The following STIM1 variants were observed in gnomAD, a reference collection of about 807,000 sequenced individuals.
STIM1 encodes the protein stromal interaction molecule 1.
STIM1 carries 25 observed loss-of-function variants against 74.7 expected under a neutral mutation model. That is an observed-to-expected ratio of 0.33 (90% confidence interval 0.24 to 0.47). The LOEUF is 0.47. STIM1 is among the 20% of genes least tolerant of loss of function. The probability of loss-of-function intolerance (pLI) is 1.00; values close to 1 mark genes in which losing one functional copy is unlikely to be tolerated. For synonymous variants in STIM1, 328 were observed against 348.8 expected (o/e 0.94, Z 0.66); for missense variants, 728 against 920.8 (o/e 0.79, Z 2.71).
intron 1 of STIM1, among the ~76,000 whole-genome samples, chr11:3,874,587 C>G (rs2091249203): frequency 6.6e-6 from 1 of 152,240 alleles, no homozygotes; most frequent in South Asian, 2.1e-4. Context: ...GTCCTCTTAT[C>G]CTTTTAAGCC....
intron 7 of STIM1, among the ~76,000 whole-genome samples, chr11:4,079,823 G>A (rs757542177): frequency 9.2e-5 from 14 of 152,240 alleles, no homozygotes; most frequent in African/African-American, 3.1e-4. Context: ...AACTTTGGCT[G>A]CATATTAGAA....
At chr11:3,893,206 A>G (rs1026965949) in intron 1 of STIM1, among the ~76,000 whole-genome samples, 3 of 152,228 alleles carry the variant, frequency 2.0e-5, no homozygotes, top group Non-Finnish European at 2.9e-5. Flanking sequence ...GGATGTTTGT[A>G]TGAATCCCCT....
chr11:4,086,303 T>G, intron 11 of STIM1, 174 bp from the exon 12 acceptor site: 2 of 681,420 alleles, frequency 2.9e-6, no homozygotes, highest in Non-Finnish European at 4.9e-6. Context: ...ATCTTCAATT[T>G]CCCATCCTTT....
chr11:3,981,357 G>T (rs1316794772), intron 2 of STIM1, among the ~76,000 whole-genome samples: 1 of 152,160 alleles, frequency 6.6e-6, no homozygotes. Flanking sequence ...ATCCTTAACT[G>T]TCCTACCAGA....
chr11:4,091,734 C>T lies in STIM1; in HGVS notation c.2087C>T (p.Thr696Ile). 1.2e-6 allele frequency: 2 copies of T among 1,613,606 alleles called. No individual in the cohort carries two copies. The highest frequency in any genetic ancestry group is 1.7e-6 in the Non-Finnish European group (2 of 1,180,046). ...GATAATGGCTCTATTGGCGAGGAAA[C>T]AGACTCCAGCCCAGGCCGGAAGAAG... ...EEDNGSIGEETDSSPGRKKFP... is the reference protein window; with the variant it reads ...EEDNGSIGEEIDSSPGRKKFP... Residue 696 changes from threonine to isoleucine, a missense_variant, in exon 13 of 13, where the codon ACA (threonine) becomes ATA (isoleucine). Thr to Ile is a moderately conservative substitution (Grantham distance 89). Coordinates refer to ENST00000526596, the MANE Select transcript of STIM1 (RefSeq NM_001382567.1).
At chr11:3,901,362 CA>C (rs1173547696) in intron 1 of STIM1, among the ~76,000 whole-genome samples, 2 of 152,034 alleles carry the variant, frequency 1.3e-5, no homozygotes, top group Non-Finnish European at 2.9e-5. Flanking sequence ...TTTTTATCCT[CA>C]AAAACCACCT....
chr11:3,887,631 C>T lies in STIM1; in HGVS notation c.139+31222C>T, dbSNP rs1325884213. Reference sequence around the variant, plus strand: ...ACAGAATGCTACTTTTGGGGTATGGCTGCTTTAGGGCCTTTCATTTCGTTT... The same window carrying T: ...ACAGAATGCTACTTTTGGGGTATGGTTGCTTTAGGGCCTTTCATTTCGTTT... On this transcript the variant is annotated intron_variant, in intron 1 of 12. Transcript: ENST00000526596. Among the ~76,000 whole-genome samples, 4 of 152,142 alleles carry T rather than the reference C, an allele frequency of 2.6e-5. No homozygotes were observed. In the East Asian group the frequency reaches 7.7e-4, roughly 29 times the overall value.
chr11:3,908,637 G>C (rs1452350490), intron 1 of STIM1, among the ~76,000 whole-genome samples: 1 of 151,040 alleles, frequency 6.6e-6, no homozygotes. Flanking sequence ...TATTTGCCAA[G>C]ATTGCATGGC....
In STIM1 at chr11:3,959,889, A is replaced by G. The variant is rs1015608493; in HGVS notation, c.140-7663A>G. On this transcript the variant is annotated intron_variant, in intron 1 of 12. Transcript: ENST00000526596. Reference sequence around the variant, plus strand: ...AACAGTGGTAGGTAAAACTGCTGGCACCTTAACACAAATCAAACCAGTGGC... The same window carrying G: ...AACAGTGGTAGGTAAAACTGCTGGCGCCTTAACACAAATCAAACCAGTGGC... 4.9e-4 allele frequency among the ~76,000 whole-genome samples: 75 copies of G among 152,168 alleles called. 1 individual carries two copies. Among genetic ancestry groups the G allele is most frequent in the African/African-American group, 1.7e-3 (72 of 41,438 alleles).
intron 3 of STIM1, among the ~76,000 whole-genome samples, chr11:4,047,907 C>G (rs1161674945): frequency 6.6e-6 from 1 of 151,912 alleles, no homozygotes; most frequent in East Asian, 2.0e-4. Context: ...CAACCTCCGC[C>G]TCCCAGGTTC....
At chr11:3,917,106 C>G (rs1027496770) in intron 1 of STIM1, among the ~76,000 whole-genome samples, 1 of 152,102 alleles carries the variant, frequency 6.6e-6, no homozygotes. Flanking sequence ...AGTGACACAC[C>G]CTTATGTACG....
intron 3 of STIM1, among the ~76,000 whole-genome samples, chr11:4,040,198 C>T (rs560711941): frequency 1.4e-4 from 22 of 152,264 alleles, no homozygotes; most frequent in African/African-American, 5.3e-4. Context: ...GTAAACATTT[C>T]TGTGTTAAAA....
At chr11:4,042,253 T>A (rs931925449) in intron 3 of STIM1, among the ~76,000 whole-genome samples, 2 of 152,216 alleles carry the variant, frequency 1.3e-5, no homozygotes, top group Non-Finnish European at 2.9e-5. Context: ...TTCCCCCAAA[T>A]GTCCACATGC....
At chr11:4,013,764 G>T (rs1280599539) in intron 2 of STIM1, among the ~76,000 whole-genome samples, 10 of 137,398 alleles carry the variant, frequency 7.3e-5, no homozygotes, top group Admixed American at 3.1e-4. Context: ...GAGTGCAGTG[G>T]CATGATCTTG....
chr11:3,973,287 T>C, intron 2 of STIM1: 1 of 477,568 alleles, frequency 2.1e-6, no homozygotes. Flanking sequence ...TCCACGACCA[T>C]CACCAGAGTT....
At chr11:3,855,051 C>G (rs1164189676), upstream of STIM1, 1 of 152,290 alleles carries the variant, frequency 6.6e-6, no homozygotes, top group Non-Finnish European at 1.5e-5. Flanking sequence ...ATTTTCCCAC[C>G]AGGGGCCGCT....
At chr11:4,042,027 G>T (rs776223389) in intron 3 of STIM1, among the ~76,000 whole-genome samples, 1 of 152,298 alleles carries the variant, frequency 6.6e-6, no homozygotes, top group South Asian at 2.1e-4. Flanking sequence ...TTGAGATGTG[G>T]ATTTGAAACC....
intron 1 of STIM1, among the ~76,000 whole-genome samples, chr11:3,948,578 C>T (rs1241387437): frequency 6.6e-6 from 1 of 152,136 alleles, no homozygotes; most frequent in African/African-American, 2.4e-5. Flanking sequence ...ATTATGATGA[C>T]AAATCAAAGG....
chr11:4,048,046 C>T (rs1338912725), intron 3 of STIM1, among the ~76,000 whole-genome samples: 2 of 152,192 alleles, frequency 1.3e-5, no homozygotes, highest in Non-Finnish European at 2.9e-5. Flanking sequence ...ATCTCGATCC[C>T]CTGACCTCAT....
Sources: allele counts gnomAD v4.1 joint callset (sites outside exome capture counted in the v4.1 genomes callset), GRCh38; gene constraint gnomAD v4.1.1; transcripts MANE v1.5; gene names NCBI Gene and HGNC (gene_info 2026-07-23, HGNC 2026-07-21).